FRMPD4: variants seen among roughly 807,000 people sequenced by gnomAD.
FRMPD4 encodes the protein FERM and PDZ domain-containing protein 4.
FRMPD4 carries 22 observed loss-of-function variants against 94.1 expected under a neutral mutation model. The ratio of observed to expected loss-of-function variants is 0.23; its 90% confidence interval spans 0.17 to 0.33. FRMPD4 has a LOEUF of 0.33. Ranked by LOEUF, FRMPD4 falls within the 10% of genes least tolerant of loss-of-function variation. The pLI is 1.00. For synonymous variants in FRMPD4, 631 were observed against 548.6 expected (o/e 1.15, Z -2.10); for missense variants, 1,111 against 1,339.9 (o/e 0.83, Z 2.67).
intron 2 of FRMPD4, among the ~76,000 whole-genome samples, chrX:12,599,141 C>T (rs953321990): frequency 2.7e-5 from 3 of 110,803 alleles, no homozygotes; most frequent in African/African-American, 9.9e-5. Flanking sequence ...GGGAGGAGAC[C>T]TGCCGTGTCT....
chrX:11,868,002 C>A (rs750670831), intron 2 of FRMPD4, among the ~76,000 whole-genome samples: 11 of 112,024 alleles, frequency 9.8e-5, no homozygotes, highest in African/African-American at 3.2e-4. Context: ...AGCCCCTACT[C>A]TTTGTTCCAT....
intron 3 of FRMPD4, among the ~76,000 whole-genome samples, chrX:12,020,153 A>G (rs1451778668): frequency 8.9e-6 from 1 of 112,025 alleles, no homozygotes; most frequent in South Asian, 3.7e-4. Flanking sequence ...ATGAATATCA[A>G]CATCTATCTC....
At chrX:12,207,637 C>T (rs1476612223) in intron 1 of FRMPD4, among the ~76,000 whole-genome samples, 1 of 108,017 alleles carries the variant, frequency 9.3e-6, no homozygotes, top group Non-Finnish European at 1.9e-5. Context: ...GAGCGTGCTT[C>T]CCAGTTTGTT....
chrX:12,148,763 C>T lies in FRMPD4; in HGVS notation c.41+9751C>T, dbSNP rs138251511. ...TCTTTTTTGGAGTTAATGCAGCTGG[C>T]GACTTTAAGTTAAGGCTAATGCTCA... On this transcript the variant is annotated intron_variant, in intron 1 of 16. Coordinates refer to ENST00000675598, the MANE Select transcript of FRMPD4 (RefSeq NM_001368397.1). Among the ~76,000 whole-genome samples, 523 of 111,683 alleles carry T rather than the reference C, an allele frequency of 4.7e-3. 2 individuals carry two copies. Among genetic ancestry groups the T allele is most frequent in the Middle Eastern group, 0.019 (4 of 216 alleles).
At chrX:12,148,133 T>A (rs1315421027) in intron 1 of FRMPD4, among the ~76,000 whole-genome samples, 2 of 112,039 alleles carry the variant, frequency 1.8e-5, no homozygotes, top group African/African-American at 6.5e-5. Flanking sequence ...TCACTTTAAA[T>A]TGAAAGCCAG....
intron 3 of FRMPD4, among the ~76,000 whole-genome samples, chrX:11,921,908 C>A (rs143523875): frequency 9.0e-6 from 1 of 111,649 alleles, no homozygotes; most frequent in Non-Finnish European, 1.9e-5. Context: ...TCCTTTTTGT[C>A]TGTCTTTCTC....
intron 2 of FRMPD4, among the ~76,000 whole-genome samples, chrX:12,570,849 A>G (rs776164624): frequency 9.0e-6 from 1 of 110,922 alleles, no homozygotes; most frequent in East Asian, 2.8e-4. Context: ...TCTCCAGAGC[A>G]CGGTAGAGCA....
At chrX:12,079,160 T>C (rs1285943881) in intron 3 of FRMPD4, among the ~76,000 whole-genome samples, 3 of 110,987 alleles carry the variant, frequency 2.7e-5, no homozygotes, top group Non-Finnish European at 5.7e-5. Flanking sequence ...TATGCTCAGG[T>C]CACCTCATCT....
At chrX:12,043,053 AG>A (rs768937389) in intron 3 of FRMPD4, among the ~76,000 whole-genome samples, 1 of 111,434 alleles carries the variant, frequency 9.0e-6, no homozygotes, top group East Asian at 2.8e-4. Flanking sequence ...TCTTGCCTGA[AG>A]TTCTGGGAGC....
intron 9 of FRMPD4, among the ~76,000 whole-genome samples, chrX:12,699,637 G>A (rs1395420520): frequency 8.9e-6 from 1 of 112,249 alleles, no homozygotes; most frequent in African/African-American, 3.2e-5. Flanking sequence ...TGGAAAGGAG[G>A]CAAGCAAATC....
At chrX:12,518,427 C>T (rs2058126248) in intron 2 of FRMPD4, among the ~76,000 whole-genome samples, 1 of 111,839 alleles carries the variant, frequency 8.9e-6, no homozygotes, top group Admixed American at 9.4e-5. Flanking sequence ...CTGATGAACA[C>T]TGATGCAAAA....
At chrX:11,990,219 T>G (rs2054456408) in intron 3 of FRMPD4, among the ~76,000 whole-genome samples, 1 of 112,124 alleles carries the variant, frequency 8.9e-6, no homozygotes, top group Non-Finnish European at 1.9e-5. Flanking sequence ...AATGGTTACG[T>G]TGTATGATTC....
chrX:12,280,282 C>G (rs755902221), intron 1 of FRMPD4, among the ~76,000 whole-genome samples: 1 of 90,729 alleles, frequency 1.1e-5, no homozygotes, highest in South Asian at 5.4e-4. Flanking sequence ...AATAATAAAA[C>G]CAAGTTTATG....
At chrX:12,213,792 T>G (rs759291827) in intron 1 of FRMPD4, among the ~76,000 whole-genome samples, 6 of 112,274 alleles carry the variant, frequency 5.3e-5, no homozygotes, top group Non-Finnish European at 7.5e-5. Context: ...AGGATAAAAA[T>G]GTATGGTTTA....
chrX:12,343,680 G>A (rs964132741), intron 1 of FRMPD4, among the ~76,000 whole-genome samples: 4 of 111,481 alleles, frequency 3.6e-5, no homozygotes, highest in Admixed American at 1.9e-4. Context: ...TGAAACTGTC[G>A]CTGACCTCTT....
chrX:12,110,472 G>GCTTCCA (rs1406622847), intron 3 of FRMPD4, among the ~76,000 whole-genome samples: 1 of 111,673 alleles, frequency 9.0e-6, no homozygotes, highest in Non-Finnish European at 1.9e-5. Context: ...CATACTGAAT[G>GCTTCCA]GGCAAAAACT....
At chrX:11,977,765 T>A (rs2147385772) in intron 3 of FRMPD4, among the ~76,000 whole-genome samples, 1 of 111,845 alleles carries the variant, frequency 8.9e-6, no homozygotes, top group East Asian at 2.8e-4. Context: ...GATTTAAAAC[T>A]TTTTTGGTTA....
intron 3 of FRMPD4, among the ~76,000 whole-genome samples, chrX:12,095,275 G>C (rs963989146): frequency 9.2e-6 from 1 of 108,770 alleles, no homozygotes; most frequent in East Asian, 2.9e-4. Context: ...CTACTCGAGA[G>C]GCTGTGGTGG....
chrX:11,977,307 C>G (rs1228293713), intron 3 of FRMPD4, among the ~76,000 whole-genome samples: 1 of 112,201 alleles, frequency 8.9e-6, no homozygotes, highest in Non-Finnish European at 1.9e-5. Flanking sequence ...TTTTTATTCT[C>G]TGGTGCTCTG....
Sources: allele counts gnomAD v4.1 joint callset (sites outside exome capture counted in the v4.1 genomes callset), GRCh38; gene constraint gnomAD v4.1.1; transcripts MANE v1.5; gene names NCBI Gene and HGNC (gene_info 2026-07-23, HGNC 2026-07-21).